STRN4: variants seen among roughly 807,000 people sequenced by gnomAD.
STRN4 encodes striatin-4.
In STRN4, 27 loss-of-function variants were observed where a neutral mutation model predicts 77.9. That is an observed-to-expected ratio of 0.35 (90% CI 0.26 to 0.48). The LOEUF is 0.48. Ranked by LOEUF, STRN4 falls within the 20% of genes least tolerant of loss-of-function variation. STRN4 has a pLI of 0.99. For missense variants in STRN4, 798 were observed against 1,049.7 expected, an observed-to-expected ratio of 0.76 and a Z score of 3.31; for synonymous variants, 466 against 443.1, an observed-to-expected ratio of 1.05 and a Z score of -0.65.
At chr19:46,727,741 G>GAGAC (rs779605177) in intron 8 of STRN4, 153 bp downstream of exon 8, 2 of 778,648 alleles carry the variant, frequency 2.6e-6, no homozygotes, top group East Asian at 5.4e-5. Context: ...AAAAGAGAGG[G>GAGAC]AGACAGACAG....
At position 46,738,204 on chromosome 19, in the gene STRN4, G is replaced by A. The variant is rs1179953180; in HGVS notation, c.420C>T (p.Asp140=). The A allele has an allele frequency of 6.2e-7, 1 of 1,614,136 alleles. No homozygotes were observed. Among genetic ancestry groups the A allele is most frequent in the Non-Finnish European group, 8.5e-7 (1 of 1,180,008 alleles). Residue 140 remains aspartate, a synonymous_variant, in exon 3 of 18, where the codon GAC becomes GAT. Coordinates refer to ENST00000263280, the MANE Select transcript of STRN4 (RefSeq NM_013403.3). The surrounding 1 kb of genome is among the most constrained non-coding windows in gnomAD (Gnocchi z 4.5). ...AKYHKLKFGT[D]LNQGEKKADV... ...CTGCTTTCTTCTCCCCCTGGTTCAG[G>A]TCTGTCCCAAACTTCAGTTTATGAT...
Position 46,733,240 on chromosome 19 carries a change from C to T in STRN4, c.540-4G>A, listed in dbSNP as rs757382604. ...GTAGCCCACCTCTTCCAGGTACCTG[C>T]AGGGGTGCAGAGCCACGTGGGTCAG... On this transcript the variant is annotated splice_polypyrimidine_tract_variant and splice_region_variant and intron_variant, in intron 4 of 17. Coordinates refer to ENST00000263280, the MANE Select transcript of STRN4 (RefSeq NM_013403.3). The surrounding 1 kb of genome is among the most constrained non-coding windows in gnomAD (Gnocchi z 4.3). 8 of 1,608,772 alleles carry T rather than the reference C, an allele frequency of 5.0e-6. No individual in the cohort carries two copies. In the South Asian group the frequency reaches 7.7e-5, roughly 15 times the overall value.
chr19:46,728,138 G>A lies in STRN4; in HGVS notation c.1040-131C>T, dbSNP rs750359692. 1.0e-5 allele frequency: 9 copies of A among 874,576 alleles called. No individual in the cohort carries two copies. The South Asian group carries it at 1.3e-4, about 12-fold the overall frequency. The allele number at this position is 874,576 out of a possible 1,614,324, so 54.2% of individuals were successfully genotyped here. A position where few individuals can be genotyped will look rare whatever the true frequency, so the allele number is the denominator to read the frequency against. On this transcript the variant is annotated intron_variant, in intron 7 of 17. Coordinates refer to ENST00000263280, the MANE Select transcript of STRN4 (RefSeq NM_013403.3). Reference sequence around the variant, plus strand: ...GTGAAGCTCTGGCCCTGGGGGAGGGGGGGAATGGGCAGAGGAGAGGAGGTT... The same window carrying A: ...GTGAAGCTCTGGCCCTGGGGGAGGGAGGGAATGGGCAGAGGAGAGGAGGTT...
intron 8 of STRN4, 168 bp from the exon 9 acceptor site, chr19:46,727,714 A>G (rs1318595969): frequency 1.4e-6 from 1 of 735,254 alleles, no homozygotes; most frequent in Non-Finnish European, 2.2e-6. Context: ...AGAGAGACAG[A>G]CAGGGCAGGA....
chr19:46,721,082 G>C (rs2122216058), intron 16 of STRN4: 1 of 267,010 alleles, frequency 3.7e-6, no homozygotes, highest in East Asian at 6.7e-5. Flanking sequence ...CTGGGCAACA[G>C]GAAGAGAAAG....
chr19:46,736,289 AAAT>A (rs942828016), intron 4 of STRN4: 3 of 152,208 alleles, frequency 2.0e-5, no homozygotes, highest in Admixed American at 6.5e-5. Flanking sequence ...AAATAATAAT[AAAT>A]AATAATAACA....
intron 11 of STRN4, 47 bp downstream of exon 11, chr19:46,725,285 G>A: frequency 6.2e-7 from 1 of 1,613,266 alleles, no homozygotes. Context: ...CAGGAGTCAG[G>A]CTGCATTTAG....
chr19:46,739,180 G>T (rs1042237745), intron 1 of STRN4: 8 of 424,452 alleles, frequency 1.9e-5, no homozygotes, highest in South Asian at 9.0e-5. Flanking sequence ...GGCTGCCTTT[G>T]GGGGGAAGTC....
intron 5 of STRN4, chr19:46,732,089 TC>T (rs2054268406): frequency 6.6e-6 from 1 of 152,122 alleles, no homozygotes; most frequent in African/African-American, 2.4e-5. Flanking sequence ...GTCGCTCGTT[TC>T]TTTTCCTCTC....
intron 9 of STRN4, chr19:46,726,348 G>A (rs1259176398): frequency 6.6e-6 from 1 of 152,268 alleles, no homozygotes; most frequent in South Asian, 2.1e-4. Flanking sequence ...TTAGGGGCAG[G>A]TAAAAGTAGC....
Position 46,733,081 on chromosome 19 carries a change from C to A in STRN4, c.695G>T (p.Gly232Val). ...GATCTGTTTCACCAGCAGCGACTCC[C>A]CACCACTGAGCCCTGCAGGGCCTGG... ...APPGPAGLSG[G>V]ESLLVKQIEE... is the part of the protein sequence containing the mutation. The change falls in exon 5 of 18, where the codon GGG becomes GTG. Residue 232 changes from glycine to valine, a missense_variant. Transcript: ENST00000263280. The surrounding 1 kb of genome is among the most constrained non-coding windows in gnomAD (Gnocchi z 4.3). The A allele has an allele frequency of 1.2e-6, 2 of 1,613,498 alleles. No individual in the cohort carries two copies. The highest frequency in any genetic ancestry group is 1.7e-6 in the Non-Finnish European group (2 of 1,179,716).
rs569768648 is a variant in STRN4 at position 46,722,592 on chromosome 19, G to A, written c.1906+218C>T. The stretch of plus-strand genomic sequence containing the variant: ...CGCCACTCTACCAAGAGGGCCCGAC[G>A]GGGCGGCCCTGACGCGCTCTCCCCA... On this transcript the variant is annotated intron_variant, in intron 14 of 17. Coordinates refer to ENST00000263280, the MANE Select transcript of STRN4 (RefSeq NM_013403.3). Among the ~76,000 whole-genome samples, 141 of 152,332 alleles carry A rather than the reference G, an allele frequency of 9.3e-4. 1 individual carries two copies. Among genetic ancestry groups the A allele is most frequent in the Middle Eastern group, 3.4e-3 (1 of 294 alleles).
Position 46,722,255 on chromosome 19 carries a change from C to G in STRN4, c.1992G>C (p.Leu664=). 1 of 1,614,182 alleles carries G rather than the reference C, an allele frequency of 6.2e-7. No homozygotes were observed. Among genetic ancestry groups the G allele is most frequent in the South Asian group, 1.1e-5 (1 of 91,090 alleles). The change falls in exon 15 of 18, where the codon CTG becomes CTC. Residue 664 remains leucine (L), a synonymous_variant. Transcript: ENST00000263280. ...TAHDDRGIRF[L]DNRTGKPVHS... is the part of the protein sequence containing the mutation. ...GCTAGGCCTCACCTGTCCGATTGTCCAGGAAGCGGATGCCCCTGTCGTCGT... is the reference window on the plus strand; with the variant it reads ...GCTAGGCCTCACCTGTCCGATTGTCGAGGAAGCGGATGCCCCTGTCGTCGT...
intron 12 of STRN4, among the ~76,000 whole-genome samples, chr19:46,724,285 CAG>C (rs1260146138): frequency 3.5e-5 from 4 of 115,932 alleles, no homozygotes; most frequent in East Asian, 5.7e-4. Context: ...AGGCAGAGAA[CAG>C]GGGGACAGAT....
chr19:46,732,943 C>G, intron 5 of STRN4, 96 bp downstream of exon 5: 1 of 1,445,100 alleles, frequency 6.9e-7, no homozygotes, highest in Admixed American at 2.2e-5. Context: ...GAGGGGCCGC[C>G]AGGGCACCCA....
At chr19:46,725,017 C>G in intron 11 of STRN4, 89 bp from the exon 12 acceptor site, 4 of 1,568,074 alleles carry the variant, frequency 2.6e-6, no homozygotes, top group Non-Finnish European at 3.5e-6. Flanking sequence ...TAGCATTCTT[C>G]AAGGATGGCC....
At chr19:46,728,875 G>A (rs1447579419) in intron 6 of STRN4, 98 bp from the exon 7 acceptor site, 19 of 1,523,926 alleles carry the variant, frequency 1.2e-5, no homozygotes, top group African/African-American at 4.1e-5. Flanking sequence ...CTCTGGGCCC[G>A]TTTCTGTTCA....
chr19:46,721,896 G>A (rs1263696012), intron 16 of STRN4, 90 bp downstream of exon 16: 25 of 1,477,698 alleles, frequency 1.7e-5, no homozygotes, highest in Middle Eastern at 3.5e-4. Context: ...CCTGGCCCCC[G>A]GGGCCCCCTG....
At chr19:46,734,262 CCA>C (rs1441051365) in intron 4 of STRN4, among the ~76,000 whole-genome samples, 2 of 152,202 alleles carry the variant, frequency 1.3e-5, no homozygotes, top group Non-Finnish European at 2.9e-5. Context: ...TAGCATTATA[CCA>C]CACAGAGATC....
Sources: gnomAD v4.1 joint callset for allele counts (sites outside exome capture counted in the v4.1 genomes callset) on GRCh38, gnomAD v4.1.1 for gene constraint, Gnocchi (gnomAD v3.1) non-coding constraint, MANE v1.5 for transcripts, NCBI Gene and HGNC (gene_info 2026-07-23, HGNC 2026-07-21) for gene names.